ROBO2: variants seen among roughly 807,000 people sequenced by gnomAD.
ROBO2 encodes roundabout homolog 2.
Under a neutral mutation model 160.8 loss-of-function variants are expected in ROBO2, and 53 were observed. That is an observed-to-expected ratio of 0.33 (90% CI 0.26 to 0.41). The LOEUF is 0.41. Ranked by LOEUF, ROBO2 falls within the 10% of genes least tolerant of loss-of-function variation. The pLI is 1.00. For missense variants in ROBO2, 1,577 were observed against 1,722.4 expected (o/e 0.92, Z 1.49); for synonymous variants, 664 against 611.7 (o/e 1.09, Z -1.26).
chr3:76,273,072 T>G (rs1163693074), intron 2 of ROBO2, among the ~76,000 whole-genome samples: 6 of 104,748 alleles, frequency 5.7e-5, no homozygotes, highest in African/African-American at 1.8e-4. Flanking sequence ...AAAATATATA[T>G]AAATATAATA....
At chr3:76,263,874 G>A (rs1018341813) in intron 2 of ROBO2, among the ~76,000 whole-genome samples, 2 of 152,114 alleles carry the variant, frequency 1.3e-5, no homozygotes, top group Admixed American at 6.6e-5. Flanking sequence ...ACACACCATG[G>A]AATACTATGC....
intron 8 of ROBO2, among the ~76,000 whole-genome samples, chr3:77,552,119 T>A (rs989812383): frequency 5.9e-5 from 9 of 151,978 alleles, no homozygotes; most frequent in African/African-American, 2.2e-4. Context: ...TCTTTGTACC[T>A]CCATATTTCT....
chr3:77,549,046 G>A (rs1446311096), intron 7 of ROBO2, among the ~76,000 whole-genome samples: 2 of 151,892 alleles, frequency 1.3e-5, no homozygotes, highest in Non-Finnish European at 2.9e-5. Context: ...ATGCCAATTA[G>A]CTCTAATAGG....
chr3:76,837,685 A>C (rs1451936157), intron 2 of ROBO2, among the ~76,000 whole-genome samples: 1 of 151,878 alleles, frequency 6.6e-6, no homozygotes, highest in Non-Finnish European at 1.5e-5. Context: ...TGCAGCTTGC[A>C]AACAGCAAAT....
intron 2 of ROBO2, among the ~76,000 whole-genome samples, chr3:76,398,716 A>G (rs2077630544): frequency 6.6e-6 from 1 of 151,808 alleles, no homozygotes; most frequent in South Asian, 2.1e-4. Context: ...AGTATATTCT[A>G]AACTAAATAT....
intron 2 of ROBO2, among the ~76,000 whole-genome samples, chr3:76,835,581 T>G (rs2067618030): frequency 6.6e-6 from 1 of 151,624 alleles, no homozygotes; most frequent in South Asian, 2.1e-4. Context: ...ATGTTAAGTT[T>G]GATAAGAACC....
chr3:76,423,790 G>T (rs1012122395), intron 2 of ROBO2, among the ~76,000 whole-genome samples: 8 of 152,110 alleles, frequency 5.3e-5, no homozygotes, highest in Admixed American at 1.3e-4. Context: ...GTCATCCATG[G>T]GGATTTTGAA....
At chr3:76,534,822 C>A (rs756635518) in intron 2 of ROBO2, among the ~76,000 whole-genome samples, 4 of 152,006 alleles carry the variant, frequency 2.6e-5, no homozygotes, top group Non-Finnish European at 5.9e-5. Flanking sequence ...CTGAGAGAAC[C>A]TTAGGGGTTG....
chr3:76,310,837 GC>G (rs1375239029), intron 2 of ROBO2, among the ~76,000 whole-genome samples: 1 of 152,160 alleles, frequency 6.6e-6, no homozygotes, highest in Non-Finnish European at 1.5e-5. Context: ...TTTCACTGAA[GC>G]CTTATTACTC....
At chr3:77,535,200 T>A (rs1559560623) in intron 6 of ROBO2, among the ~76,000 whole-genome samples, 1 of 150,782 alleles carries the variant, frequency 6.6e-6, no homozygotes, top group Admixed American at 6.6e-5. Flanking sequence ...AAGTTTTTCT[T>A]TTTCTTTTTC....
chr3:75,923,625 G>T (rs1267979892), intron 1 of ROBO2, among the ~76,000 whole-genome samples: 1 of 152,190 alleles, frequency 6.6e-6, no homozygotes. Flanking sequence ...GTACAATCAA[G>T]TGTGCAAGCC....
At chr3:76,044,116 G>A (rs2067370995) in intron 2 of ROBO2, among the ~76,000 whole-genome samples, 1 of 152,030 alleles carries the variant, frequency 6.6e-6, no homozygotes, top group Non-Finnish European at 1.5e-5. Flanking sequence ...CTCATGCTGA[G>A]ACAGGGCAGC....
chr3:76,381,961 T>C (rs1323799906), intron 2 of ROBO2, among the ~76,000 whole-genome samples: 1 of 152,060 alleles, frequency 6.6e-6, no homozygotes, highest in Non-Finnish European at 1.5e-5. Flanking sequence ...TTGTCGTTGT[T>C]GTTTTTTGTT....
At chr3:77,546,504 T>C (rs1268857412) in intron 7 of ROBO2, 42 bp downstream of exon 8, 2 of 1,610,174 alleles carry the variant, frequency 1.2e-6, no homozygotes, top group Non-Finnish European at 1.7e-6. Context: ...TCTCTGAACT[T>C]CTACTGTCTC....
At chr3:77,366,414 C>T (rs1457555674) in intron 2 of ROBO2, among the ~76,000 whole-genome samples, 1 of 151,958 alleles carries the variant, frequency 6.6e-6, no homozygotes, top group Non-Finnish European at 1.5e-5. Flanking sequence ...ATTCTCTGTG[C>T]CATCAGCCAT....
Position 77,130,012 on chromosome 3 carries a change from A to G in ROBO2, c.388+31672A>G, listed in dbSNP as rs570053747. On this transcript the variant is annotated intron_variant, in intron 2 of 25. Transcript: ENST00000461745. ...GAGAAGACAACGCTTCAAAACAACAATTTTTTTTTATTATTGCTCAGATCT... is the reference window on the plus strand; with the variant it reads ...GAGAAGACAACGCTTCAAAACAACAGTTTTTTTTTATTATTGCTCAGATCT... 4.6e-5 allele frequency among the ~76,000 whole-genome samples: 7 copies of G among 151,694 alleles called. No individual in the cohort carries two copies. In the East Asian group the frequency reaches 9.7e-4, roughly 21 times the overall value.
intron 2 of ROBO2, among the ~76,000 whole-genome samples, chr3:76,796,524 G>GAAGGAAGA (rs1436894171): frequency 6.7e-6 from 1 of 148,846 alleles, no homozygotes; most frequent in African/African-American, 2.5e-5. Context: ...AGGAAGGAAG[G>GAAGGAAGA]AAGGAAGGAA....
rs980556973 is a variant in ROBO2 at position 76,748,978 on chromosome 3, T to A, written c.110-349036T>A. ...TAGCTAAATATGTTTTGACTTATCT[T>A]TCTTACAATAAAATATTTATGATAC... On this transcript the variant is annotated intron_variant, in intron 2 of 26. Coordinates refer to the ROBO2 transcript ENST00000487694. Among the ~76,000 whole-genome samples, 3 of 151,970 alleles carry A rather than the reference T, an allele frequency of 2.0e-5. No homozygotes were observed. The East Asian group carries it at 5.8e-4, about 29-fold the overall frequency.
At chr3:76,850,937 A>G (rs1199520953) in intron 2 of ROBO2, among the ~76,000 whole-genome samples, 1 of 152,186 alleles carries the variant, frequency 6.6e-6, no homozygotes, top group Non-Finnish European at 1.5e-5. Context: ...TCTTGTTTGT[A>G]AAATAAGAGT....
Sources: gnomAD v4.1 joint callset for allele counts (sites outside exome capture counted in the v4.1 genomes callset) on GRCh38, gnomAD v4.1.1 for gene constraint, MANE v1.5 for transcripts, NCBI Gene and HGNC (gene_info 2026-07-23, HGNC 2026-07-21) for gene names.